GPC5: variants seen among roughly 807,000 people sequenced by gnomAD.
GPC5 encodes glypican 5.
A neutral mutation model predicts 53.9 loss-of-function variants in GPC5; 47 were observed. That is an observed-to-expected ratio of 0.87 (90% CI 0.69 to 1.11). The LOEUF is 1.11. GPC5 is among the 50% of genes most tolerant of loss of function. The pLI is 0.00. For missense variants in GPC5, 748 were observed against 713.1 expected (o/e 1.05, Z -0.56); for synonymous variants, 286 against 263.3 (o/e 1.09, Z -0.84).
At chr13:92,781,712 G>A (rs368747463) in intron 7 of GPC5, among the ~76,000 whole-genome samples, 2 of 152,074 alleles carry the variant, frequency 1.3e-5, no homozygotes, top group Non-Finnish European at 2.9e-5. Context: ...ATAAGGGAAC[G>A]CTTTCATTAT....
intron 7 of GPC5, among the ~76,000 whole-genome samples, chr13:92,674,262 C>G (rs1312086479): frequency 3.9e-5 from 6 of 152,120 alleles, no homozygotes; most frequent in Admixed American, 1.3e-4. Flanking sequence ...ATACAGTCAG[C>G]AACTTTAGAA....
intron 7 of GPC5, among the ~76,000 whole-genome samples, chr13:92,500,889 C>T (rs1399458599): frequency 6.6e-6 from 1 of 151,962 alleles, no homozygotes; most frequent in African/African-American, 2.4e-5. Flanking sequence ...AAGGGAAGAC[C>T]AGAGAATTGG....
intron 2 of GPC5, among the ~76,000 whole-genome samples, chr13:91,488,944 G>T (rs139708372): frequency 2.6e-5 from 4 of 152,290 alleles, no homozygotes; most frequent in African/African-American, 9.6e-5. Context: ...CTTTGGGGGC[G>T]GCTGTCTTTT....
At position 91,867,821 on chromosome 13, in the gene GPC5, C is replaced by T. The variant is rs183659324; in HGVS notation, c.1281-40116C>T. Among the ~76,000 whole-genome samples, 9 of 152,144 alleles carry T rather than the reference C, an allele frequency of 5.9e-5. No homozygotes were observed. The East Asian group carries it at 9.7e-4, about 16-fold the overall frequency. Reference sequence around the variant, plus strand: ...AATATTAACTTTTATTATAAATGAACGAACAATTGTATAGCATTTCAAATA... The same window carrying T: ...AATATTAACTTTTATTATAAATGAATGAACAATTGTATAGCATTTCAAATA... On this transcript the variant is annotated intron_variant, in intron 5 of 7. Coordinates refer to ENST00000377067, the MANE Select transcript of GPC5 (RefSeq NM_004466.6).
chr13:91,906,970 G>A (rs1447194926), intron 5 of GPC5, among the ~76,000 whole-genome samples: 1 of 150,260 alleles, frequency 6.7e-6, no homozygotes, highest in Non-Finnish European at 1.5e-5. Context: ...GCCTTGTACA[G>A]TTATATATTT....
rs537748678 is a variant in GPC5, at chr13:92,371,022, G to A, written c.1561+226033G>A. Among the ~76,000 whole-genome samples the A allele has an allele frequency of 6.6e-5, 10 of 152,078 alleles. No individual in the cohort carries two copies. In the South Asian group the frequency reaches 8.3e-4, roughly 13 times the overall value. On this transcript the variant is annotated intron_variant, in intron 7 of 7. Coordinates refer to ENST00000377067, the MANE Select transcript of GPC5 (RefSeq NM_004466.6). ...AAATTAGCTGGGTGTGGTGTTAGGTGCCTGCAGTCACAGCTACTTGGGAGG... is the reference window on the plus strand; with the variant it reads ...AAATTAGCTGGGTGTGGTGTTAGGTACCTGCAGTCACAGCTACTTGGGAGG...
At chr13:91,459,910 A>T (rs1360765746) in intron 2 of GPC5, among the ~76,000 whole-genome samples, 1 of 152,186 alleles carries the variant, frequency 6.6e-6, no homozygotes, top group African/African-American at 2.4e-5. Context: ...ATAATTTAAG[A>T]GTAAAGGGCA....
chr13:91,663,644 T>G (rs990253032), intron 2 of GPC5, among the ~76,000 whole-genome samples: 2 of 152,006 alleles, frequency 1.3e-5, no homozygotes, highest in African/African-American at 2.4e-5. Context: ...TTTTTTTTTT[T>G]GTAAAGACTG....
chr13:92,027,150 C>T (rs1410676105), intron 6 of GPC5, among the ~76,000 whole-genome samples: 1 of 151,988 alleles, frequency 6.6e-6, no homozygotes, highest in Non-Finnish European at 1.5e-5. Context: ...GTTTTATCTC[C>T]AACATTAATA....
chr13:92,510,312 A>T (rs1408485644), intron 7 of GPC5, among the ~76,000 whole-genome samples: 1 of 152,144 alleles, frequency 6.6e-6, no homozygotes, highest in Non-Finnish European at 1.5e-5. Context: ...AATTTGAGGG[A>T]TGTCAAAATG....
At chr13:91,964,023 G>A (rs544548146) in intron 6 of GPC5, among the ~76,000 whole-genome samples, 1 of 152,102 alleles carries the variant, frequency 6.6e-6, no homozygotes, top group African/African-American at 2.4e-5. Flanking sequence ...TCTTGGTCTC[G>A]CCGACTTCAA....
At chr13:92,545,012 G>A (rs984741663) in intron 7 of GPC5, among the ~76,000 whole-genome samples, 2 of 151,950 alleles carry the variant, frequency 1.3e-5, no homozygotes, top group African/African-American at 4.8e-5. Context: ...TTGGTGTGCT[G>A]CACCCATTAA....
At chr13:92,746,752 A>C (rs1398825335) in intron 7 of GPC5, among the ~76,000 whole-genome samples, 1 of 152,092 alleles carries the variant, frequency 6.6e-6, no homozygotes, top group Non-Finnish European at 1.5e-5. Flanking sequence ...TTATCTCTTA[A>C]CTTTATTGAT....
intron 7 of GPC5, among the ~76,000 whole-genome samples, chr13:92,654,523 A>G (rs565551256): frequency 1.3e-5 from 2 of 152,242 alleles, no homozygotes; most frequent in Non-Finnish European, 2.9e-5. Context: ...ATATTAAATT[A>G]CACTTGACCA....
At chr13:92,685,220 G>A (rs998902425) in intron 7 of GPC5, among the ~76,000 whole-genome samples, 3 of 152,012 alleles carry the variant, frequency 2.0e-5, no homozygotes, top group Non-Finnish European at 4.4e-5. Context: ...AGCCTCCTGA[G>A]TAGCTGTGAT....
intron 6 of GPC5, among the ~76,000 whole-genome samples, chr13:92,063,607 G>A (rs1322109961): frequency 6.6e-6 from 1 of 152,004 alleles, no homozygotes; most frequent in Admixed American, 6.6e-5. Flanking sequence ...TAACACTGCA[G>A]CAGATTTAAA....
chr13:92,639,209 C>T (rs1179265539), intron 7 of GPC5, among the ~76,000 whole-genome samples: 1 of 152,116 alleles, frequency 6.6e-6, no homozygotes, highest in African/African-American at 2.4e-5. Flanking sequence ...AATCTTGTAA[C>T]ATACCCACTA....
chr13:92,560,725 T>C (rs941599788), intron 7 of GPC5, among the ~76,000 whole-genome samples: 5 of 152,116 alleles, frequency 3.3e-5, no homozygotes, highest in African/African-American at 1.2e-4. Context: ...AGAATTAAAA[T>C]GATTTCCCTG....
chr13:92,285,259 G>T (rs1428793334), intron 7 of GPC5, among the ~76,000 whole-genome samples: 1 of 152,096 alleles, frequency 6.6e-6, no homozygotes, highest in African/African-American at 2.4e-5. Context: ...AGAAATGGAA[G>T]AACATTCCAT....
Sources: gnomAD v4.1 joint callset for allele counts (sites outside exome capture counted in the v4.1 genomes callset) on GRCh38, gnomAD v4.1.1 for gene constraint, MANE v1.5 for transcripts, NCBI Gene and HGNC (gene_info 2026-07-23, HGNC 2026-07-21) for gene names.